The following AGMO variants were observed in gnomAD, a reference collection of about 807,000 sequenced individuals.
The protein encoded by AGMO is alkylglycerol monooxygenase.
Under a neutral mutation model 60.2 loss-of-function variants are expected in AGMO, and 75 were observed. The ratio of observed to expected loss-of-function variants is 1.25; its 90% confidence interval spans 1.03 to 1.51. The LOEUF is 1.51. AGMO is among the 40% of genes most tolerant of loss of function. The pLI is 0.00. For synonymous variants in AGMO, 261 were observed against 177.1 expected (o/e 1.47, Z -3.76); for missense variants, 763 against 525.5 (o/e 1.45, Z -4.42).
intron 5 of AGMO, among the ~76,000 whole-genome samples, chr7:15,403,660 G>C (rs550428504): frequency 6.6e-6 from 1 of 151,902 alleles, no homozygotes; most frequent in Admixed American, 6.6e-5. Flanking sequence ...ATAGTTTCTT[G>C]TTCTGAATTA....
intron 4 of AGMO, among the ~76,000 whole-genome samples, chr7:15,426,739 A>G (rs1042541530): frequency 2.0e-5 from 3 of 151,142 alleles, no homozygotes; most frequent in Admixed American, 6.6e-5. Flanking sequence ...CAGAGTGACA[A>G]TTTGTCAAAA....
At chr7:15,393,648 TATACTGAG>T (rs1784243038) in intron 6 of AGMO, among the ~76,000 whole-genome samples, 1 of 152,196 alleles carries the variant, frequency 6.6e-6, no homozygotes, top group South Asian at 2.1e-4. Context: ...AAACGCAGCT[TATACTGAG>T]ATTGTTCAAC....
chr7:15,554,342 T>A (rs899606069), intron 2 of AGMO, among the ~76,000 whole-genome samples: 13 of 152,066 alleles, frequency 8.5e-5, no homozygotes, highest in African/African-American at 3.1e-4. Context: ...CACATGAAGA[T>A]GGAATACTGG....
intron 12 of AGMO, among the ~76,000 whole-genome samples, chr7:15,272,134 TTTC>T (rs1043896807): frequency 6.6e-6 from 1 of 151,124 alleles, no homozygotes; most frequent in Non-Finnish European, 1.5e-5. Flanking sequence ...TGGCCCTTTT[TTTC>T]TTTTTTTTAT....
chr7:15,263,028 T>A (rs1783321391), intron 12 of AGMO, among the ~76,000 whole-genome samples: 1 of 152,138 alleles, frequency 6.6e-6, no homozygotes, highest in African/African-American at 2.4e-5. Flanking sequence ...GGCAATGACC[T>A]CATGACGAAG....
At chr7:15,473,026 A>G (rs991874449) in intron 3 of AGMO, among the ~76,000 whole-genome samples, 2 of 151,984 alleles carry the variant, frequency 1.3e-5, no homozygotes, top group Non-Finnish European at 2.9e-5. Flanking sequence ...ATATCAAGAA[A>G]TATCAACAAT....
At chr7:15,441,033 G>A (rs1461483388) in intron 3 of AGMO, among the ~76,000 whole-genome samples, 1 of 152,070 alleles carries the variant, frequency 6.6e-6, no homozygotes, top group Non-Finnish European at 1.5e-5. Context: ...AATTTGTTAG[G>A]GGATCCTAAA....
In AGMO at chr7:15,200,773, G is replaced by T. The variant is rs187272808; in HGVS notation, c.*512C>A. ...CCCACAAAGTGCTGGGATTACAGGG[G>T]TGAGCCACCGCGCCTGGCCTCAGTG... is the stretch of plus-strand genomic sequence containing the variant. On this transcript the variant is annotated 3_prime_UTR_variant, in exon 13 of 13. Coordinates refer to ENST00000342526, the MANE Select transcript of AGMO (RefSeq NM_001004320.2). The T allele has an allele frequency of 1.3e-5, 2 of 152,716 alleles. No individual in the cohort carries two copies. The highest frequency in any genetic ancestry group is 4.8e-5 in the African/African-American group (2 of 41,452). The allele number at this position is 152,716 out of a possible 1,614,324, so 9.5% of individuals were successfully genotyped here.
chr7:15,386,251 T>A lies in AGMO; in HGVS notation c.958-689A>T, dbSNP rs183919328. Reference sequence around the variant, plus strand: ...CATGCTTCAAAGAAAAATACTATTTTATTGGAAACAACTTTTCTAAAGTTA... The same window carrying A: ...CATGCTTCAAAGAAAAATACTATTTAATTGGAAACAACTTTTCTAAAGTTA... On this transcript the variant is annotated intron_variant, in intron 9 of 12. Coordinates refer to ENST00000342526, the MANE Select transcript of AGMO (RefSeq NM_001004320.2). Among the ~76,000 whole-genome samples, 652 of 152,334 alleles carry A rather than the reference T, an allele frequency of 4.3e-3. 4 individuals carry two copies. The highest frequency in any genetic ancestry group is 0.031 in the Middle Eastern group (9 of 294).
At chr7:15,332,110 C>T (rs1431315128) in intron 12 of AGMO, among the ~76,000 whole-genome samples, 1 of 152,066 alleles carries the variant, frequency 6.6e-6, no homozygotes. Flanking sequence ...TAAAAGGATA[C>T]ACACTAGACA....
chr7:15,488,931 G>A (rs1391493031), intron 3 of AGMO, among the ~76,000 whole-genome samples: 2 of 151,974 alleles, frequency 1.3e-5, no homozygotes, highest in Non-Finnish European at 2.9e-5. Context: ...TGTTGAGATG[G>A]TTTACTAAAG....
At chr7:15,486,217 G>C (rs924864198) in intron 3 of AGMO, among the ~76,000 whole-genome samples, 3 of 152,112 alleles carry the variant, frequency 2.0e-5, no homozygotes, top group Non-Finnish European at 2.9e-5. Flanking sequence ...AGCTCTATCA[G>C]CAAGCTCAGT....
At chr7:15,503,202 C>T (rs1783431588) in intron 3 of AGMO, among the ~76,000 whole-genome samples, 1 of 151,922 alleles carries the variant, frequency 6.6e-6, no homozygotes, top group African/African-American at 2.4e-5. Context: ...AGAAGGTACA[C>T]CTGTTAATCT....
the AGMO span, among the ~76,000 whole-genome samples, chr7:15,146,783 G>T: frequency 3.3e-5 from 5 of 152,110 alleles, no homozygotes; most frequent in Admixed American, 3.3e-4. Flanking sequence ...GATTGCTCTA[G>T]TGCATTCATG....
In AGMO at chr7:15,545,912, T is replaced by C. The variant is rs1186183754; in HGVS notation, c.258-989A>G. On this transcript the variant is annotated intron_variant, in intron 2 of 12. Transcript: ENST00000342526. The stretch of plus-strand genomic sequence containing the variant: ...TTAATCATTCTAGTTAATAAAGATA[T>C]ATTTATAAGTCATCAACAAGTTTGG... Among the ~76,000 whole-genome samples the C allele has an allele frequency of 2.0e-5, 3 of 151,996 alleles. No individual in the cohort carries two copies. The East Asian group carries it at 5.8e-4, about 29-fold the overall frequency.
chr7:15,508,255 T>A (rs933485862), intron 3 of AGMO, among the ~76,000 whole-genome samples: 3 of 152,110 alleles, frequency 2.0e-5, no homozygotes, highest in African/African-American at 7.2e-5. Flanking sequence ...TAACAAAAAA[T>A]GACCAAAACT....
At chr7:15,154,938 G>A in the AGMO span, among the ~76,000 whole-genome samples, 1 of 152,064 alleles carries the variant, frequency 6.6e-6, no homozygotes. Flanking sequence ...AATATCTTCT[G>A]CCTTTTAGGG....
At chr7:15,501,261 T>C (rs1430429048) in intron 3 of AGMO, among the ~76,000 whole-genome samples, 1 of 152,004 alleles carries the variant, frequency 6.6e-6, no homozygotes, top group East Asian at 1.9e-4. Context: ...CTTCATTATC[T>C]GTCTAATGCT....
rs532194288 is a variant in AGMO at position 15,245,228 on chromosome 7, G to A, written c.1264-43869C>T. Reference sequence around the variant, plus strand: ...TTGACTACAATGAAAGATGTCCTCTGCACCAACTAATCTCCTACTCTACCA... The same window carrying A: ...TTGACTACAATGAAAGATGTCCTCTACACCAACTAATCTCCTACTCTACCA... On this transcript the variant is annotated intron_variant, in intron 12 of 12. Coordinates refer to ENST00000342526, the MANE Select transcript of AGMO (RefSeq NM_001004320.2). 3.9e-5 allele frequency among the ~76,000 whole-genome samples: 6 copies of A among 152,124 alleles called. No homozygotes were observed. The South Asian group carries it at 1.2e-3, about 32-fold the overall frequency.
Sources: gnomAD v4.1 joint callset for allele counts (sites outside exome capture counted in the v4.1 genomes callset) on GRCh38, gnomAD v4.1.1 for gene constraint, MANE v1.5 for transcripts, NCBI Gene and HGNC (gene_info 2026-07-23, HGNC 2026-07-21) for gene names.